ERMAP: variants seen among roughly 807,000 people sequenced by gnomAD.
ERMAP encodes erythroid membrane-associated protein.
In ERMAP, 34 loss-of-function variants were observed where a neutral mutation model predicts 49.5. The ratio of observed to expected loss-of-function variants is 0.69; its 90% CI spans 0.52 to 0.91. ERMAP has a LOEUF of 0.91. Ranked by LOEUF, ERMAP falls within the 40% of genes least tolerant of loss-of-function variation. The pLI is 0.00. For synonymous variants in ERMAP, 214 were observed against 232.2 expected (o/e 0.92, Z 0.71); for missense variants, 541 against 582.6 (o/e 0.93, Z 0.74).
chr1:42,840,222 T>C, intron 10 of ERMAP, 44 bp downstream of exon 10: 1 of 1,614,052 alleles, frequency 6.2e-7, no homozygotes, highest in Non-Finnish European at 8.5e-7. Context: ...CCTACAGGAG[T>C]TCTTGATGTC....
chr1:42,834,514 A>T (rs567668154), intron 4 of ERMAP, among the ~76,000 whole-genome samples: 3 of 152,160 alleles, frequency 2.0e-5, no homozygotes, highest in Non-Finnish European at 4.4e-5. Flanking sequence ...GGACCATCCA[A>T]ACCATTCCCG....
At chr1:42,818,026 C>T (rs1406901657) in intron 1 of ERMAP, among the ~76,000 whole-genome samples, 1 of 152,218 alleles carries the variant, frequency 6.6e-6, no homozygotes, top group Non-Finnish European at 1.5e-5. Flanking sequence ...GGTCACACAG[C>T]TTCTAAGTGC....
chr1:42,835,589 A>G lies in ERMAP; in HGVS notation c.551-143A>G, dbSNP rs893517636. 21 of 1,050,640 alleles carry G rather than the reference A, an allele frequency of 2.0e-5. No homozygotes were observed. In the African/African-American group the frequency reaches 3.3e-4, roughly 16 times the overall value. The allele number at this position is 1,050,640 out of a possible 1,614,324, so 65.1% of individuals were successfully genotyped here. On this transcript the variant is annotated intron_variant, in intron 5 of 11. Coordinates refer to ENST00000372517, the MANE Select transcript of ERMAP (RefSeq NM_001017922.2). Reference sequence around the variant, plus strand: ...CCTGCCCTTATCTGATGGTTTGAAGACTCTCTAATCCTTTCAAATGCCCGC... The same window carrying G: ...CCTGCCCTTATCTGATGGTTTGAAGGCTCTCTAATCCTTTCAAATGCCCGC...
intron 2 of ERMAP, among the ~76,000 whole-genome samples, chr1:42,826,164 A>ACAT (rs1654538666): frequency 6.6e-6 from 1 of 152,210 alleles, no homozygotes; most frequent in African/African-American, 2.4e-5. Flanking sequence ...AATAACTGCC[A>ACAT]TGTTTCCAAC....
chr1:42,844,522 G>A lies in ERMAP; in HGVS notation c.*1290G>A. The A allele has an allele frequency of 6.3e-6, 1 of 158,160 alleles. No individual in the cohort carries two copies. Among genetic ancestry groups the A allele is most frequent in the Non-Finnish European group, 1.4e-5 (1 of 72,108 alleles). 9.8% of individuals were successfully genotyped at this position (158,160 alleles called of 1,614,324 possible). On this transcript the variant is annotated 3_prime_UTR_variant, in exon 12 of 12. Coordinates refer to ENST00000372517, the MANE Select transcript of ERMAP (RefSeq NM_001017922.2). The surrounding 1 kb of genome is among the most constrained non-coding windows in gnomAD (Gnocchi z 4.0). ...AGGAATTGGCTCACGTGATTATGGA[G>A]GCGGTTAAATCCCAAGATCTGCAGG...
At chr1:42,834,899 C>A in intron 4 of ERMAP, 139 bp from the exon 5 acceptor site, 1 of 664,846 alleles carries the variant, frequency 1.5e-6, no homozygotes, top group Non-Finnish European at 2.7e-6. Flanking sequence ...ATCAGAGAAG[C>A]AAAGAGCCTC....
In ERMAP at chr1:42,830,923, C is replaced by T. The variant is rs150664549; in HGVS notation, c.241C>T (p.Arg81Trp). The change falls in exon 4 of 12, where the codon CGG (arginine) becomes TGG (tryptophan). Residue 81 changes from arginine (R) to tryptophan (W), a missense_variant. By Grantham distance (101) the Arg-to-Trp change is moderately radical. Coordinates refer to ENST00000372517, the MANE Select transcript of ERMAP (RefSeq NM_001017922.2). ...PQRSQAVHIF[R>W]DGKDQDEDLM... ...GCGCTCCCAGGCTGTTCACATATTCCGGGATGGGAAGGACCAGGATGAAGA... is the reference window on the plus strand; with the variant it reads ...GCGCTCCCAGGCTGTTCACATATTCTGGGATGGGAAGGACCAGGATGAAGA... 121 of 1,614,076 alleles carry T rather than the reference C, an allele frequency of 7.5e-5. No individual in the cohort carries two copies. In the African/African-American group the frequency reaches 8.9e-4, roughly 12 times the overall value.
chr1:42,826,800 G>C (rs923850949), intron 2 of ERMAP, among the ~76,000 whole-genome samples: 4 of 148,828 alleles, frequency 2.7e-5, no homozygotes, highest in Non-Finnish European at 5.9e-5. Flanking sequence ...AGGTTGCAGT[G>C]ATCTGAGATC....
intron 2 of ERMAP, chr1:42,830,168 G>A (rs180988417): frequency 9.0e-5 from 40 of 446,484 alleles, no homozygotes; most frequent in Non-Finnish European, 1.3e-4. Flanking sequence ...GACTTAACAC[G>A]CCAGCCTCTG....
intron 7 of ERMAP, 135 bp downstream of exon 7, chr1:42,837,325 T>C (rs1209377096): frequency 1.5e-5 from 15 of 995,354 alleles, no homozygotes; most frequent in Non-Finnish European, 2.2e-5. Flanking sequence ...CCTCCATTGA[T>C]ATTACTGGAA....
At chr1:42,839,939 G>T in intron 8 of ERMAP, 94 bp from the exon 9 acceptor site, 1 of 1,260,038 alleles carries the variant, frequency 7.9e-7, no homozygotes. Flanking sequence ...TTGAGTATCT[G>T]TCTGCTCATG....
chr1:42,821,666 C>T (rs115638018), intron 1 of ERMAP, among the ~76,000 whole-genome samples: 1,632 of 152,136 alleles, frequency 0.011, 30 homozygotes, highest in African/African-American at 0.038. Context: ...TATTGAGGAC[C>T]TCAGGGAGCT....
rs1654346014 is a variant in ERMAP at position 42,819,307 on chromosome 1, A to G, written c.-122+2054A>G. Among the ~76,000 whole-genome samples the G allele has an allele frequency of 6.6e-6, 1 of 152,188 alleles. No individual in the cohort carries two copies. The highest frequency in any genetic ancestry group is 2.4e-5 in the African/African-American group (1 of 41,444). On this transcript the variant is annotated intron_variant, in intron 1 of 11. Coordinates refer to ENST00000372517, the MANE Select transcript of ERMAP (RefSeq NM_001017922.2). This position sits in a 1 kb window ranked among gnomAD's most constrained non-coding sequence, Gnocchi z 5.1. ...GTCCAGTGAGCAATTAGAAGATTTC[A>G]GAAAAGAACGGAACTGGAGATACCA... is the stretch of plus-strand genomic sequence containing the variant.
At chr1:42,830,418 G>C (rs1654683007) in intron 2 of ERMAP, 26 bp from the exon 3 acceptor site, 3 of 1,609,812 alleles carry the variant, frequency 1.9e-6, no homozygotes, top group Non-Finnish European at 2.6e-6. Flanking sequence ...CAGCCCGCTT[G>C]TGCTGTCTCC....
At chr1:42,821,694 T>C (rs1039072144) in intron 1 of ERMAP, among the ~76,000 whole-genome samples, 6 of 152,174 alleles carry the variant, frequency 3.9e-5, no homozygotes, top group African/African-American at 1.4e-4. Context: ...ATATGAGTTA[T>C]ATTTTTTGAA....
chr1:42,831,575 CTTTTTTTTTTT>C (rs796367653), intron 4 of ERMAP, among the ~76,000 whole-genome samples: 1 of 84,010 alleles, frequency 1.2e-5, no homozygotes, highest in Admixed American at 1.3e-4. Context: ...TTTTTTTTCT[CTTTTTTTTTTT>C]TTTTTTTTTT....
Position 42,843,031 on chromosome 1 carries a change from A to T in ERMAP, c.1227A>T (p.Leu409=), listed in dbSNP as rs55773259. The change falls in exon 12 of 12, where the codon CTA becomes CTT. Residue 409 remains leucine (L), a synonymous_variant. Coordinates refer to ENST00000372517, the MANE Select transcript of ERMAP (RefSeq NM_001017922.2). The part of the protein sequence containing the change: ...LHDGGKNTAP[L]VICSELHKSE... ...ATGGAGGAAAAAACACAGCACCTCT[A>T]GTCATTTGTTCAGAACTACACAAAT... 58 of 1,614,128 alleles carry T rather than the reference A, an allele frequency of 3.6e-5. 1 individual carries two copies. The African/African-American group carries it at 7.3e-4, about 20-fold the overall frequency.
chr1:42,842,502 T>C lies in ERMAP; in HGVS notation c.713-15T>C. 1.2e-6 allele frequency: 2 copies of C among 1,604,032 alleles called. No individual in the cohort carries two copies. The highest frequency in any genetic ancestry group is 1.7e-6 in the Non-Finnish European group (2 of 1,174,452). ...CCTATACTTCCAAGCCTCACCTGTCTGTGTCTCTTTGCAGTGGCAGTGACC... is the reference window on the plus strand; with the variant it reads ...CCTATACTTCCAAGCCTCACCTGTCCGTGTCTCTTTGCAGTGGCAGTGACC... On this transcript the variant is annotated splice_polypyrimidine_tract_variant and intron_variant, in intron 11 of 11. Coordinates refer to ENST00000372517, the MANE Select transcript of ERMAP (RefSeq NM_001017922.2).
At chr1:42,827,080 G>A (rs1654575842) in intron 2 of ERMAP, among the ~76,000 whole-genome samples, 1 of 152,158 alleles carries the variant, frequency 6.6e-6, no homozygotes, top group African/African-American at 2.4e-5. Flanking sequence ...GAATCCTAAA[G>A]TCATGTAAAG....
Sources: gnomAD v4.1 joint callset for allele counts (sites outside exome capture counted in the v4.1 genomes callset) on GRCh38, gnomAD v4.1.1 for gene constraint, Gnocchi (gnomAD v3.1) non-coding constraint, MANE v1.5 for transcripts, NCBI Gene and HGNC (gene_info 2026-07-23, HGNC 2026-07-21) for gene names.